The following SLIT2 variants were observed in gnomAD, a reference collection of about 807,000 sequenced individuals.
SLIT2 encodes slit homolog 2 protein.
SLIT2 carries 41 observed loss-of-function variants against 185.7 expected under a neutral mutation model. The observed-to-expected ratio is 0.22, with a 90% CI of 0.17 to 0.29. The LOEUF is 0.29. Ranked by LOEUF, SLIT2 falls within the 10% of genes least tolerant of loss-of-function variation. The pLI is 1.00. For synonymous variants in SLIT2, 693 were observed against 680.2 expected (o/e 1.02, Z -0.29); for missense variants, 1,571 against 1,909.0 (o/e 0.82, Z 3.30).
Position 20,484,136 on chromosome 4 carries a change from G to T in SLIT2, c.540-2064G>T, listed in dbSNP as rs2148784697. On this transcript the variant is annotated intron_variant, in intron 6 of 36. Coordinates refer to ENST00000504154, the MANE Select transcript of SLIT2 (RefSeq NM_004787.4). This position sits in a 1 kb window ranked among gnomAD's most constrained non-coding sequence, Gnocchi z 4.3. The stretch of plus-strand genomic sequence containing the variant: ...TTGCATGGAGATATAAGAAACTATA[G>T]TTCAAAATTAATGCATGTCTGCTCT... Among the ~76,000 whole-genome samples, 1 of 152,130 alleles carries T rather than the reference G, an allele frequency of 6.6e-6. No individual in the cohort carries two copies. Among genetic ancestry groups the T allele is most frequent in the East Asian group, 1.9e-4 (1 of 5,182 alleles).
chr4:20,472,565 T>TATATATCGATATATCG (rs1715573732), intron 5 of SLIT2, among the ~76,000 whole-genome samples: 1 of 6,500 alleles, frequency 1.5e-4, no homozygotes, highest in Non-Finnish European at 2.3e-4. Context: ...GATATATATC[T>TATATATCGATATATCG]ATATATAGAT....
intron 4 of SLIT2, among the ~76,000 whole-genome samples, chr4:20,347,243 G>C (rs1002352598): frequency 2.0e-5 from 3 of 152,204 alleles, no homozygotes; most frequent in Admixed American, 1.3e-4. Flanking sequence ...TTCTCTGTTA[G>C]GTAAAGGAGG....
intron 15 of SLIT2, among the ~76,000 whole-genome samples, chr4:20,525,934 A>T (rs1458734495): frequency 6.6e-6 from 1 of 152,142 alleles, no homozygotes; most frequent in African/African-American, 2.4e-5. Context: ...ATCAAGACTG[A>T]TGATTCTAGA....
At chr4:20,276,348 G>A (rs1714164611) in intron 4 of SLIT2, among the ~76,000 whole-genome samples, 1 of 152,000 alleles carries the variant, frequency 6.6e-6, no homozygotes, top group Non-Finnish European at 1.5e-5. Context: ...TTTCTGGAGG[G>A]TTAACCTTAA....
chr4:20,465,828 T>TA (rs1353687327), intron 4 of SLIT2, among the ~76,000 whole-genome samples: 1 of 152,116 alleles, frequency 6.6e-6, no homozygotes, highest in Non-Finnish European at 1.5e-5. Context: ...GCCTAGGGAC[T>TA]GAGCAGAACT....
intron 4 of SLIT2, among the ~76,000 whole-genome samples, chr4:20,355,796 A>G (rs1006687198): frequency 6.6e-6 from 1 of 152,136 alleles, no homozygotes; most frequent in Non-Finnish European, 1.5e-5. Flanking sequence ...TCTGATTATC[A>G]GATTATGTTT....
rs544447462 is a variant in SLIT2 at position 20,617,263 on chromosome 4, G to A, written c.4136+65G>A. 12 of 922,548 alleles carry A rather than the reference G, an allele frequency of 1.3e-5. No individual in the cohort carries two copies. The African/African-American group carries it at 2.1e-4, about 16-fold the overall frequency. 57.1% of individuals were successfully genotyped at this position (922,548 alleles called of 1,614,324 possible). A position where few individuals can be genotyped will look rare whatever the true frequency, so the allele number is the denominator to read the frequency against. On this transcript the variant is annotated intron_variant, in intron 35 of 36. Transcript: ENST00000504154. ...AGCCTCAAAGCCAAACCAAAGGAAG[G>A]AAGGAAAGAAGAAGGGGAGGGGACG... is the stretch of plus-strand genomic sequence containing the variant.
chr4:20,540,569 A>C (rs1722720154), intron 19 of SLIT2, among the ~76,000 whole-genome samples: 1 of 152,122 alleles, frequency 6.6e-6, no homozygotes, highest in South Asian at 2.1e-4. Context: ...CAGGTCTCTT[A>C]TATGTCAGTA....
chr4:20,475,310 G>A lies in SLIT2; in HGVS notation c.468-5406G>A, dbSNP rs560979391. Among the ~76,000 whole-genome samples the A allele has an allele frequency of 6.4e-5, 8 of 124,540 alleles. No homozygotes were observed. The East Asian group carries it at 1.8e-3, about 28-fold the overall frequency. The allele number at this position is 124,540 out of a possible 152,430, so 81.7% of individuals were successfully genotyped here. A position where few individuals can be genotyped will look rare whatever the true frequency, so the allele number is the denominator to read the frequency against. On this transcript the variant is annotated intron_variant, in intron 5 of 36. Transcript: ENST00000504154. ...TCTATCCATTTTTTGAGGATCTGAG[G>A]TTTTGGTTTTTTTTTTTTTTTCCTT... is the stretch of plus-strand genomic sequence containing the variant.
chr4:20,582,136 C>T (rs1726632451), intron 29 of SLIT2, among the ~76,000 whole-genome samples: 2 of 152,176 alleles, frequency 1.3e-5, no homozygotes, highest in Admixed American at 6.5e-5. Flanking sequence ...GAATGAAGAC[C>T]TTCGACCCTG....
chr4:20,507,343 G>A (rs1353310571), intron 9 of SLIT2, among the ~76,000 whole-genome samples: 5 of 151,732 alleles, frequency 3.3e-5, no homozygotes, highest in African/African-American at 1.2e-4. Context: ...ATCATTACGA[G>A]TATTCTAGTT....
intron 30 of SLIT2, among the ~76,000 whole-genome samples, chr4:20,594,621 G>T (rs907980633): frequency 2.6e-5 from 4 of 152,006 alleles, no homozygotes; most frequent in Admixed American, 2.0e-4. Flanking sequence ...ACTGCTGCAC[G>T]TGCCACACTG....
At chr4:20,285,945 A>G (rs927556526) in intron 4 of SLIT2, among the ~76,000 whole-genome samples, 1 of 152,208 alleles carries the variant, frequency 6.6e-6, no homozygotes, top group African/African-American at 2.4e-5. Flanking sequence ...TGTAGCTCTC[A>G]TAAAATGAGA....
intron 4 of SLIT2, among the ~76,000 whole-genome samples, chr4:20,402,826 C>A (rs1472841518): frequency 1.3e-5 from 2 of 151,364 alleles, no homozygotes; most frequent in Non-Finnish European, 3.0e-5. Flanking sequence ...TATTAAACAA[C>A]AAAATATTGA....
Position 20,253,984 on chromosome 4 carries a change from A to G in SLIT2, c.169A>G (p.Thr57Ala). The G allele has an allele frequency of 6.2e-7, 1 of 1,602,604 alleles. No homozygotes were observed. The highest frequency in any genetic ancestry group is 1.7e-4 in the Middle Eastern group (1 of 6,056). The change falls in exon 1 of 37, where the codon ACC (threonine) becomes GCC (alanine). Residue 57 changes from threonine (T) to alanine (A), a missense_variant. Physicochemically the swap from Thr to Ala is moderately conservative, Grantham distance 58. Around this residue, in one of 3 missense-constraint regions of SLIT2, gnomAD observed 1,202 missense variants for 1,416.4 expected, o/e 0.85. Transcript: ENST00000504154. ...CGTGCCCAGGAATATCCCCCGCAAC[A>G]CCGAGAGACTGTGAGTATGCGCTCT... ...RSVPRNIPRNTERLDLNGNNI... is the reference protein window; with the variant it reads ...RSVPRNIPRNAERLDLNGNNI...
rs562177940 is a variant in SLIT2 at position 20,590,187 on chromosome 4, G to A, written c.3182+450G>A. 7.2e-5 allele frequency among the ~76,000 whole-genome samples: 11 copies of A among 152,258 alleles called. No homozygotes were observed. In the South Asian group the frequency reaches 1.7e-3, roughly 23 times the overall value. On this transcript the variant is annotated intron_variant, in intron 30 of 36. Coordinates refer to ENST00000504154, the MANE Select transcript of SLIT2 (RefSeq NM_004787.4). ...CCCAAAGTGCTGGGATTACAGGCGT[G>A]AGCCACCGCGCCCAGCCCCAGACTT...
At chr4:20,542,117 A>G (rs1243119805) in intron 20 of SLIT2, among the ~76,000 whole-genome samples, 1 of 152,164 alleles carries the variant, frequency 6.6e-6, no homozygotes, top group Non-Finnish European at 1.5e-5. Flanking sequence ...TAAATGAGGA[A>G]CCTAAACTTT....
intron 4 of SLIT2, among the ~76,000 whole-genome samples, chr4:20,462,705 A>G (rs1369369617): frequency 6.6e-6 from 1 of 152,130 alleles, no homozygotes; most frequent in East Asian, 1.9e-4. Context: ...AATCAACCCC[A>G]ATCAAGCTAT....
intron 5 of SLIT2, among the ~76,000 whole-genome samples, chr4:20,480,122 A>G (rs767412646): frequency 2.0e-5 from 3 of 152,224 alleles, no homozygotes; most frequent in Non-Finnish European, 4.4e-5. Context: ...CACTTAATAT[A>G]GAACAAATAC....
Sources: allele counts gnomAD v4.1 joint callset (sites outside exome capture counted in the v4.1 genomes callset), GRCh38; gene constraint gnomAD v4.1.1; regional missense constraint gnomAD v4.1.1; non-coding constraint Gnocchi (gnomAD v3.1); transcripts MANE v1.5; gene names NCBI Gene and HGNC (gene_info 2026-07-23, HGNC 2026-07-21).